The following LRP1B variants were observed in gnomAD, a reference collection of about 807,000 sequenced individuals.
LRP1B encodes low-density lipoprotein receptor-related protein 1B.
Under a neutral mutation model 556.6 loss-of-function variants are expected in LRP1B, and 217 were observed. The ratio of observed to expected loss-of-function variants is 0.39; its 90% CI spans 0.35 to 0.44. The LOEUF (loss-of-function observed/expected upper bound fraction) is 0.44. LRP1B is among the 20% of genes least tolerant of loss of function. The probability of loss-of-function intolerance (pLI) is 1.00; values close to 1 mark genes in which losing one functional copy is unlikely to be tolerated. For missense variants in LRP1B, 5,053 were observed against 5,620.8 expected (o/e 0.90, Z 3.23); for synonymous variants, 2,047 against 1,865.8 (o/e 1.10, Z -2.50).
At chr2:141,091,257 C>A (rs1450025644) in intron 7 of LRP1B, among the ~76,000 whole-genome samples, 1 of 151,960 alleles carries the variant, frequency 6.6e-6, no homozygotes, top group African/African-American at 2.4e-5. Flanking sequence ...AAACAGAGAG[C>A]TATTGGAAGG....
intron 7 of LRP1B, among the ~76,000 whole-genome samples, chr2:141,184,318 T>G (rs989269608): frequency 8.6e-5 from 13 of 152,026 alleles, no homozygotes; most frequent in African/African-American, 3.1e-4. Context: ...TCTGGCACCT[T>G]GGCAGTTGAG....
rs539325732 is a variant in LRP1B at position 140,427,844 on chromosome 2, G to T, written c.10414+14660C>A. On this transcript the variant is annotated intron_variant, in intron 66 of 90. Coordinates refer to ENST00000389484, the MANE Select transcript of LRP1B (RefSeq NM_018557.3). ...AGGTCCCAGTTCTTCCTCAGCCTCCGCTCCTCCACCCTATAATCCTTTTAT... is the reference window on the plus strand; with the variant it reads ...AGGTCCCAGTTCTTCCTCAGCCTCCTCTCCTCCACCCTATAATCCTTTTAT... Among the ~76,000 whole-genome samples, 5 of 151,842 alleles carry T rather than the reference G, an allele frequency of 3.3e-5. No homozygotes were observed. In the East Asian group the frequency reaches 9.8e-4, roughly 30 times the overall value.
chr2:141,292,317 G>A (rs1368819052), intron 3 of LRP1B, among the ~76,000 whole-genome samples: 1 of 152,098 alleles, frequency 6.6e-6, no homozygotes, highest in South Asian at 2.1e-4. Flanking sequence ...GTTCCATACA[G>A]CACACTCCGT....
chr2:142,082,576 C>T (rs62158864), intron 1 of LRP1B, among the ~76,000 whole-genome samples: 10 of 152,104 alleles, frequency 6.6e-5, no homozygotes, highest in Admixed American at 2.0e-4. Context: ...GTGGCGCAGC[C>T]GGAACAATTG....
At chr2:141,776,362 G>T (rs867273736) in intron 2 of LRP1B, among the ~76,000 whole-genome samples, 1 of 152,138 alleles carries the variant, frequency 6.6e-6, no homozygotes, top group Non-Finnish European at 1.5e-5. Flanking sequence ...GCATTTTGGC[G>T]AGAGCCACTC....
chr2:140,430,076 T>A (rs2105281543), intron 66 of LRP1B, among the ~76,000 whole-genome samples: 1 of 152,212 alleles, frequency 6.6e-6, no homozygotes, highest in Admixed American at 6.5e-5. Context: ...CATTTCCCCA[T>A]ATTTCCTTCT....
intron 4 of LRP1B, among the ~76,000 whole-genome samples, chr2:141,249,640 G>A (rs1684190928): frequency 7.0e-6 from 1 of 142,008 alleles, no homozygotes; most frequent in South Asian, 2.3e-4. Context: ...GAAAGAAAGA[G>A]GAGTCCTACA....
Position 140,536,627 on chromosome 2 carries a change from G to A in LRP1B, c.7596C>T (p.Gly2532=). The A allele has an allele frequency of 6.2e-7, 1 of 1,610,742 alleles. No individual in the cohort carries two copies. The highest frequency in any genetic ancestry group is 1.1e-5 in the South Asian group (1 of 90,794). Reference sequence around the variant, plus strand: ...CTGATTTATCTTTACAGTGAGGAATGCCATCACAGGTGAGCTGGTAGTCAA... The same window carrying A: ...CTGATTTATCTTTACAGTGAGGAATACCATCACAGGTGAGCTGGTAGTCAA... ...ECIDYQLTCD[G]IPHCKDKSDE... is the part of the protein sequence containing the mutation. Residue 2532 remains glycine, a synonymous_variant, in exon 46 of 91, where the codon GGC becomes GGT. Transcript: ENST00000389484.
At chr2:141,690,396 A>AATAAATAAATAAAT (rs5834858) in intron 2 of LRP1B, among the ~76,000 whole-genome samples, 41 of 26,898 alleles carry the variant, frequency 1.5e-3, no homozygotes, top group South Asian at 4.5e-3. Flanking sequence ...TACATCTATA[A>AATAAATAAATAAAT]ATATATATAT....
chr2:141,218,026 T>G (rs573523505), intron 6 of LRP1B, among the ~76,000 whole-genome samples: 1 of 152,082 alleles, frequency 6.6e-6, no homozygotes, highest in Non-Finnish European at 1.5e-5. Flanking sequence ...AAAACCACAA[T>G]GAGATACCAT....
chr2:140,464,162 C>CTTCA, intron 60 of LRP1B, among the ~76,000 whole-genome samples: 1 of 151,968 alleles, frequency 6.6e-6, no homozygotes, highest in East Asian at 1.9e-4. Context: ...TGCCACTGCA[C>CTTCA]TTCAGCCTGG....
chr2:140,675,246 T>C (rs1685631390), intron 41 of LRP1B, among the ~76,000 whole-genome samples: 1 of 152,234 alleles, frequency 6.6e-6, no homozygotes, highest in Admixed American at 6.5e-5. Context: ...CTGTTTACGT[T>C]AGTGTTTTAT....
intron 32 of LRP1B, among the ~76,000 whole-genome samples, chr2:140,808,262 C>T (rs1435064494): frequency 1.1e-5 from 1 of 91,424 alleles, no homozygotes; most frequent in East Asian, 4.0e-4. Flanking sequence ...ACTATTTGAG[C>T]CATGACAATG....
intron 27 of LRP1B, among the ~76,000 whole-genome samples, chr2:140,859,010 G>C (rs567717630): frequency 6.6e-6 from 1 of 152,080 alleles, no homozygotes; most frequent in Non-Finnish European, 1.5e-5. Context: ...TGAAAATACA[G>C]GGTTTCACCA....
At chr2:140,768,919 T>A (rs1049029218) in intron 35 of LRP1B, among the ~76,000 whole-genome samples, 3 of 151,706 alleles carry the variant, frequency 2.0e-5, no homozygotes, top group African/African-American at 7.3e-5. Flanking sequence ...TAGATAAAAG[T>A]AAAGTATCAA....
At chr2:142,030,638 C>A (rs543540152) in intron 1 of LRP1B, among the ~76,000 whole-genome samples, 1 of 151,716 alleles carries the variant, frequency 6.6e-6, no homozygotes, top group Non-Finnish European at 1.5e-5. Flanking sequence ...AACCAGGGGC[C>A]CAGCTAGTAA....
intron 13 of LRP1B, among the ~76,000 whole-genome samples, chr2:141,014,136 T>A (rs945473624): frequency 3.0e-4 from 45 of 152,076 alleles, no homozygotes; most frequent in African/African-American, 2.4e-5. Flanking sequence ...GTCTGAATAA[T>A]CATGTGTATT....
At chr2:141,256,344 A>G (rs1478918759) in intron 3 of LRP1B, among the ~76,000 whole-genome samples, 1 of 151,992 alleles carries the variant, frequency 6.6e-6, no homozygotes, top group East Asian at 1.9e-4. Flanking sequence ...CGAACGCTGC[A>G]TTGCTAACCT....
intron 35 of LRP1B, among the ~76,000 whole-genome samples, chr2:140,744,428 T>C (rs1688251764): frequency 6.6e-6 from 1 of 152,140 alleles, no homozygotes; most frequent in Non-Finnish European, 1.5e-5. Flanking sequence ...CTGGAGAGAA[T>C]TAAGATTGTA....
Sources: allele counts gnomAD v4.1 joint callset (sites outside exome capture counted in the v4.1 genomes callset), GRCh38; gene constraint gnomAD v4.1.1; transcripts MANE v1.5; gene names NCBI Gene and HGNC (gene_info 2026-07-23, HGNC 2026-07-21).